SAMHD1: variants seen among roughly 807,000 people sequenced by gnomAD.
SAMHD1 encodes SAM and HD domain containing deoxynucleoside triphosphate triphosphohydrolase 1.
In SAMHD1, 54 loss-of-function variants were observed where a neutral mutation model predicts 79.6. The observed-to-expected ratio is 0.68, with a 90% CI of 0.55 to 0.85. The LOEUF is 0.85. Among genes scored for constraint, SAMHD1 ranks in the 40% least tolerant of loss-of-function variants. The pLI is 0.00. For synonymous variants in SAMHD1, 260 were observed against 264.1 expected (o/e 0.98, Z 0.15); for missense variants, 663 against 782.7 (o/e 0.85, Z 1.82).
At chr20:36,912,402 G>T (rs1271881795) in intron 10 of SAMHD1, 59 bp downstream of exon 10, 2 of 1,015,138 alleles carry the variant, frequency 2.0e-6, no homozygotes, top group African/African-American at 1.6e-5. Flanking sequence ...AGCCTAGTAT[G>T]ATACTCTAGC....
intron 9 of SAMHD1, among the ~76,000 whole-genome samples, chr20:36,914,988 G>A (rs2063466915): frequency 6.6e-6 from 1 of 151,896 alleles, no homozygotes; most frequent in Middle Eastern, 3.2e-3. Context: ...CTCCAATCTG[G>A]GTGACAGAGT....
At chr20:36,945,133 T>G (rs1482038899) in intron 2 of SAMHD1, among the ~76,000 whole-genome samples, 1 of 152,182 alleles carries the variant, frequency 6.6e-6, no homozygotes, top group Non-Finnish European at 1.5e-5. Context: ...ACTCCTGGGC[T>G]CAAGGGATCT....
rs145138102 is a variant in SAMHD1 at position 36,926,524 on chromosome 20, T to C, written c.696+658A>G. The stretch of plus-strand genomic sequence containing the variant: ...TAATAGTCATATGGATGTATACGCC[T>C]GTCAAAACTCACTGAACTTAAGATC... On this transcript the variant is annotated intron_variant, in intron 6 of 15. Transcript: ENST00000646673. 3.4e-4 allele frequency among the ~76,000 whole-genome samples: 51 copies of C among 152,212 alleles called. No individual in the cohort carries two copies. In the East Asian group the frequency reaches 6.6e-3, roughly 20 times the overall value.
chr20:36,948,681 A>T (rs1277329493), intron 1 of SAMHD1, among the ~76,000 whole-genome samples: 1 of 150,348 alleles, frequency 6.7e-6, no homozygotes, highest in East Asian at 2.0e-4. Context: ...ATCCTGGCCA[A>T]CATGGTGAAA....
At chr20:36,937,347 G>A (rs532129780) in intron 3 of SAMHD1, among the ~76,000 whole-genome samples, 2 of 151,920 alleles carry the variant, frequency 1.3e-5, no homozygotes, top group African/African-American at 4.8e-5. Context: ...AAAAGTACAA[G>A]ACACAAATGA....
intron 13 of SAMHD1, among the ~76,000 whole-genome samples, chr20:36,901,285 C>G (rs1362034379): frequency 6.6e-6 from 1 of 152,158 alleles, no homozygotes; most frequent in Non-Finnish European, 1.5e-5. Flanking sequence ...CCACCTCAGC[C>G]TCCCGAGTAG....
chr20:36,913,157 C>T (rs184114624), intron 9 of SAMHD1, among the ~76,000 whole-genome samples: 10 of 150,628 alleles, frequency 6.6e-5, no homozygotes, highest in Admixed American at 2.6e-4. Flanking sequence ...CCACCAAGCC[C>T]GGCTAATTTT....
At position 36,893,042 on chromosome 20, in the gene SAMHD1, T is replaced by TGAGTGGG; in HGVS notation, c.1764_1770dup (p.Ile591ProfsTer34). 6.2e-7 allele frequency: 1 copy of TGAGTGGG among 1,613,784 alleles called. No homozygotes were observed. Among genetic ancestry groups the TGAGTGGG allele is most frequent in the East Asian group, 2.2e-5 (1 of 44,882 alleles). On this transcript the variant is annotated frameshift_variant, in exon 16 of 16. Transcript: ENST00000646673. LOFTEE classifies it low-confidence loss of function (END_TRUNC). ...TTCCATTCCTTTTTTTGAGGTGTTATGAGTGGGGCTATAACATCGCCATCC... is the reference window on the plus strand; with the variant it reads ...TTCCATTCCTTTTTTTGAGGTGTTATGAGTGGGGAGTGGGGCTATAACATCGCCATCC...
At chr20:36,914,568 C>T (rs1254868117) in intron 9 of SAMHD1, among the ~76,000 whole-genome samples, 1 of 151,962 alleles carries the variant, frequency 6.6e-6, no homozygotes, top group Non-Finnish European at 1.5e-5. Flanking sequence ...CCAGGTTGGC[C>T]AGGCTGGTCT....
intron 2 of SAMHD1, chr20:36,946,382 C>A: frequency 4.7e-6 from 1 of 213,416 alleles, no homozygotes; most frequent in Non-Finnish European, 9.3e-6. Context: ...CACTGCACTC[C>A]AGCCTGGGAG....
chr20:36,945,016 T>C (rs1038176437), intron 2 of SAMHD1, among the ~76,000 whole-genome samples: 1 of 151,840 alleles, frequency 6.6e-6, no homozygotes, highest in African/African-American at 2.4e-5. Flanking sequence ...TATGTATGTA[T>C]GTATGTATAT....
In SAMHD1 at chr20:36,912,501, T is replaced by A; in HGVS notation, c.1114A>T (p.Arg372Ter). ...MFHTRNSLHRRAYQHKVGNII... is the reference protein window; with the variant it reads ...MFHTRNSLHR ...TTGCCAACTTTGTGTTGATAAGCTCTACGGTGTAAAGAGTTGCGAGTGTGG... is the reference window on the plus strand; with the variant it reads ...TTGCCAACTTTGTGTTGATAAGCTCAACGGTGTAAAGAGTTGCGAGTGTGG... The change falls in exon 10 of 16, where the codon AGA becomes TGA. Residue 372 changes from arginine (R) to a stop codon, truncating the protein, a stop_gained. Coordinates refer to ENST00000646673, the MANE Select transcript of SAMHD1 (RefSeq NM_015474.4). LOFTEE classifies it high-confidence loss of function. The A allele has an allele frequency of 6.2e-7, 1 of 1,613,584 alleles. No individual in the cohort carries two copies. Among genetic ancestry groups the A allele is most frequent in the Non-Finnish European group, 8.5e-7 (1 of 1,179,554 alleles).
At chr20:36,903,022 A>G (rs1937566652) in intron 13 of SAMHD1, among the ~76,000 whole-genome samples, 1 of 152,104 alleles carries the variant, frequency 6.6e-6, no homozygotes, top group South Asian at 2.1e-4. Flanking sequence ...TATAGGCGTG[A>G]GCCACCTCAC....
At position 36,905,478 on chromosome 20, in the gene SAMHD1, G is replaced by A. The variant is rs982513098; in HGVS notation, c.1296C>T (p.Tyr432=). The change falls in exon 12 of 16, where the codon TAC becomes TAT. Residue 432 remains tyrosine (Y), a synonymous_variant. Transcript: ENST00000646673. ...CGTCTTTCAATTTGGGATCAGTAGAGTATAAAATCTCCAGAAAAATGTTAT... is the reference window on the plus strand; with the variant it reads ...CGTCTTTCAATTTGGGATCAGTAGAATATAAAATCTCCAGAAAAATGTTAT... The part of the protein sequence containing the change: ...LTDNIFLEIL[Y]STDPKLKDAR... The A allele has an allele frequency of 1.9e-6, 3 of 1,611,222 alleles. No individual in the cohort carries two copies. The highest frequency in any genetic ancestry group is 2.5e-6 in the Non-Finnish European group (3 of 1,177,650).
intron 1 of SAMHD1, among the ~76,000 whole-genome samples, chr20:36,948,254 CT>C (rs931307608): frequency 1.3e-5 from 2 of 151,004 alleles, no homozygotes; most frequent in South Asian, 2.1e-4. Context: ...TAAAGAGAGA[CT>C]TTTTTTTTCT....
intron 6 of SAMHD1, among the ~76,000 whole-genome samples, chr20:36,920,394 G>A (rs1325780791): frequency 1.3e-5 from 2 of 152,104 alleles, no homozygotes; most frequent in African/African-American, 4.8e-5. Context: ...AGGATTACAA[G>A]CAACTTGCCC....
chr20:36,927,198 G>A lies in SAMHD1; in HGVS notation c.680C>T (p.Pro227Leu), dbSNP rs753391551. The change falls in exon 6 of 16, where the codon CCG becomes CTG. Residue 227 changes from proline to leucine, a missense_variant. Transcript: ENST00000646673. ...FDGRFIPLAR[P>L]EVKWTHEQGS... ...AATACATACCGTCCATTTCACCTCCGGGCGAGCAAGTGGAATAAATCGTCC... is the reference window on the plus strand; with the variant it reads ...AATACATACCGTCCATTTCACCTCCAGGCGAGCAAGTGGAATAAATCGTCC... 9 of 1,613,554 alleles carry A rather than the reference G, an allele frequency of 5.6e-6. No homozygotes were observed. The highest frequency in any genetic ancestry group is 6.8e-6 in the Non-Finnish European group (8 of 1,179,722).
chr20:36,904,854 T>TA (rs778817853), intron 12 of SAMHD1: 6 of 181,740 alleles, frequency 3.3e-5, no homozygotes, highest in Non-Finnish European at 7.1e-5. Context: ...TGACTTGTGT[T>TA]ACGGCTTTCT....
At chr20:36,926,958 T>C in intron 6 of SAMHD1, 1 of 501,204 alleles carries the variant, frequency 2.0e-6, no homozygotes, top group Non-Finnish European at 3.6e-6. Context: ...TCCAAGAGTT[T>C]CAAGTTCCTT....
Sources: gnomAD v4.1 joint callset for allele counts (sites outside exome capture counted in the v4.1 genomes callset) on GRCh38, gnomAD v4.1.1 for gene constraint, MANE v1.5 for transcripts, NCBI Gene and HGNC (gene_info 2026-07-23, HGNC 2026-07-21) for gene names.